SPMIP4: variants seen among roughly 807,000 people sequenced by gnomAD.
The protein encoded by SPMIP4 is sperm-associated microtubule inner protein 4.
chr7:25,140,710 C>T, the SPMIP4 span, among the ~76,000 whole-genome samples: 1 of 151,862 alleles, frequency 6.6e-6, no homozygotes, highest in South Asian at 2.1e-4. Context: ...GCCTCAGCCT[C>T]CAGAGTAGCT....
the SPMIP4 span, among the ~76,000 whole-genome samples, chr7:25,169,556 T>A: frequency 6.6e-6 from 1 of 152,174 alleles, no homozygotes; most frequent in Non-Finnish European, 1.5e-5. Flanking sequence ...GTGTCCATAC[T>A]CCATTCCATT....
the SPMIP4 span, among the ~76,000 whole-genome samples, chr7:25,143,381 C>T: frequency 1.4e-4 from 21 of 152,092 alleles, no homozygotes; most frequent in African/African-American, 4.8e-4. Flanking sequence ...CTTAGAAATT[C>T]ACCTTTTCTC....
the SPMIP4 span, chr7:25,142,588 T>C: frequency 6.8e-7 from 1 of 1,472,994 alleles, no homozygotes; most frequent in Non-Finnish European, 9.3e-7. Flanking sequence ...TAGCATTTGT[T>C]AAATATTCCA....
the SPMIP4 span, among the ~76,000 whole-genome samples, chr7:25,151,097 T>G: frequency 6.6e-6 from 1 of 152,324 alleles, no homozygotes; most frequent in East Asian, 1.9e-4. Context: ...ATCTTTTTTT[T>G]TGGTAACTGT....
the SPMIP4 span, among the ~76,000 whole-genome samples, chr7:25,139,024 G>A: frequency 3.3e-5 from 5 of 152,208 alleles, no homozygotes; most frequent in South Asian, 1.0e-3. Context: ...CTGGGAGGGG[G>A]TATGAGGAGG....
At chr7:25,169,478 C>T in the SPMIP4 span, among the ~76,000 whole-genome samples, 3 of 152,270 alleles carry the variant, frequency 2.0e-5, no homozygotes, top group Non-Finnish European at 4.4e-5. Context: ...TAATGTAACA[C>T]GTGGCCTTTT....
the SPMIP4 span, among the ~76,000 whole-genome samples, chr7:25,149,902 A>G: frequency 6.6e-6 from 1 of 152,236 alleles, no homozygotes; most frequent in Non-Finnish European, 1.5e-5. Context: ...CTCACACAGT[A>G]AATGGCAACA....
At chr7:25,155,647 C>T in the SPMIP4 span, among the ~76,000 whole-genome samples, 1 of 152,170 alleles carries the variant, frequency 6.6e-6, no homozygotes. Flanking sequence ...CCCAGGCCAT[C>T]TGTTTCTTTA....
chr7:25,149,160 T>C, the SPMIP4 span, among the ~76,000 whole-genome samples: 1 of 152,190 alleles, frequency 6.6e-6, no homozygotes, highest in Admixed American at 6.5e-5. Flanking sequence ...TTAAAAGACA[T>C]GAGGAGGTAG....
the SPMIP4 span, among the ~76,000 whole-genome samples, chr7:25,170,730 T>C: frequency 9.2e-5 from 14 of 152,366 alleles, no homozygotes; most frequent in African/African-American, 2.6e-4. Context: ...AGGGATCTCA[T>C]GCATCTATTC....
At chr7:25,180,097 G>A in the SPMIP4 span, 4 of 152,266 alleles carry the variant, frequency 2.6e-5, no homozygotes, top group African/African-American at 9.6e-5. Flanking sequence ...TGGCAGGCAG[G>A]GGCGGGGGCG....
At chr7:25,146,027 G>C in the SPMIP4 span, among the ~76,000 whole-genome samples, 1 of 152,072 alleles carries the variant, frequency 6.6e-6, no homozygotes, top group Admixed American at 6.5e-5. Context: ...CATTTGCAGA[G>C]GCTTTAGCAT....
At chr7:25,134,284 A>AAACAAAAC in the SPMIP4 span, among the ~76,000 whole-genome samples, 1 of 150,414 alleles carries the variant, frequency 6.6e-6, no homozygotes, top group African/African-American at 2.4e-5. Flanking sequence ...ACAAAAACAA[A>AAACAAAAC]ACACACACAC....
the SPMIP4 span, chr7:25,125,898 T>G: frequency 2.0e-6 from 2 of 985,172 alleles, no homozygotes; most frequent in African/African-American, 3.5e-5. Flanking sequence ...TCAGTCACAT[T>G]CCAGCTCTCC....
the SPMIP4 span, chr7:25,168,533 T>G: frequency 7.7e-7 from 1 of 1,302,072 alleles, no homozygotes; most frequent in Non-Finnish European, 1.0e-6. Flanking sequence ...CATAACAGAT[T>G]GCATAAAATT....
the SPMIP4 span, among the ~76,000 whole-genome samples, chr7:25,150,840 T>C: frequency 6.6e-6 from 1 of 152,186 alleles, no homozygotes; most frequent in Non-Finnish European, 1.5e-5. Context: ...GGTTAAATGA[T>C]GTATTTAGAG....
chr7:25,173,632 C>CT, the SPMIP4 span, among the ~76,000 whole-genome samples: 1,125 of 152,298 alleles, frequency 7.4e-3, 13 homozygotes, highest in African/African-American at 0.026. The surrounding 1 kb of genome is among the most constrained non-coding windows in gnomAD (Gnocchi z 4.4). Context: ...CCCTAGCTGT[C>CT]TGACAACGAT....
the SPMIP4 span, among the ~76,000 whole-genome samples, chr7:25,172,559 G>C: frequency 6.6e-6 from 1 of 152,184 alleles, no homozygotes; most frequent in Non-Finnish European, 1.5e-5. The surrounding 1 kb of genome is among the most constrained non-coding windows in gnomAD (Gnocchi z 4.2). Context: ...GCTCTGCATG[G>C]ACAAGGTCCT....
chr7:25,152,959 G>A, the SPMIP4 span, among the ~76,000 whole-genome samples: 1 of 151,822 alleles, frequency 6.6e-6, no homozygotes, highest in Admixed American at 6.6e-5. Context: ...GCCCAGGCTG[G>A]TCTCGAACTC....
Sources: allele counts gnomAD v4.1 joint callset (sites outside exome capture counted in the v4.1 genomes callset), GRCh38; gene constraint gnomAD v4.1.1; non-coding constraint Gnocchi (gnomAD v3.1); transcripts MANE v1.5; gene names NCBI Gene and HGNC (gene_info 2026-07-23, HGNC 2026-07-21).